The following ATP6V0E1 variants were observed in gnomAD, a reference collection of about 807,000 sequenced individuals.
The protein encoded by ATP6V0E1 is ATPase H+ transporting V0 subunit e1, also known as V-type proton ATPase subunit e 1.
ATP6V0E1 carries 4 observed loss-of-function variants against 11.6 expected under a neutral mutation model. The observed-to-expected ratio is 0.35, with a 90% confidence interval of 0.17 to 0.79. The LOEUF is 0.79. Ranked by LOEUF, ATP6V0E1 falls within the 30% of genes least tolerant of loss-of-function variation. The probability of loss-of-function intolerance (pLI) is 0.54; values close to 1 mark genes in which losing one functional copy is unlikely to be tolerated. For missense variants in ATP6V0E1, 105 were observed against 100.0 expected (o/e 1.05, Z -0.21); for synonymous variants, 36 against 34.8 (o/e 1.04, Z -0.13).
chr5:172,998,129 T>A (rs1248670229), intron 2 of ATP6V0E1, among the ~76,000 whole-genome samples: 1 of 149,486 alleles, frequency 6.7e-6, no homozygotes, highest in Non-Finnish European at 1.5e-5. Context: ...AAAGTTGTGA[T>A]AAATGATGTT....
chr5:173,001,075 C>A (rs985173956), intron 2 of ATP6V0E1, among the ~76,000 whole-genome samples: 1 of 152,144 alleles, frequency 6.6e-6, no homozygotes, highest in South Asian at 2.1e-4. Context: ...CCTTACAGGG[C>A]TGGTATAGTG....
At chr5:173,007,346 T>C (rs1413039015) in intron 2 of ATP6V0E1, among the ~76,000 whole-genome samples, 1 of 152,180 alleles carries the variant, frequency 6.6e-6, no homozygotes, top group Non-Finnish European at 1.5e-5. Context: ...TTCAGTTCTA[T>C]GTGCTTATAG....
intron 3 of ATP6V0E1, among the ~76,000 whole-genome samples, chr5:173,024,794 C>T (rs371518329): frequency 1.7e-4 from 25 of 150,902 alleles, no homozygotes; most frequent in African/African-American, 6.1e-4. Context: ...AGTATTTTCT[C>T]TTCAAATATA....
intron 3 of ATP6V0E1, among the ~76,000 whole-genome samples, chr5:173,021,422 C>G (rs1324093687): frequency 2.0e-5 from 3 of 152,032 alleles, no homozygotes. Flanking sequence ...AGAATCAGAA[C>G]CAAGCAAAAG....
At chr5:173,015,924 C>T (rs753334158) in intron 2 of ATP6V0E1, among the ~76,000 whole-genome samples, 2 of 152,092 alleles carry the variant, frequency 1.3e-5, no homozygotes, top group Non-Finnish European at 2.9e-5. Flanking sequence ...ACGGGTTTCA[C>T]CATGTTGGCC....
intron 3 of ATP6V0E1, among the ~76,000 whole-genome samples, chr5:173,029,900 C>T (rs2113616406): frequency 6.6e-6 from 1 of 152,298 alleles, no homozygotes; most frequent in Admixed American, 6.5e-5. Flanking sequence ...CTACTTTCCC[C>T]TCCAGGCCCT....
chr5:173,033,103 A>G (rs1756690304), intron 3 of ATP6V0E1, among the ~76,000 whole-genome samples: 1 of 152,144 alleles, frequency 6.6e-6, no homozygotes, highest in African/African-American at 2.4e-5. Flanking sequence ...TGAAAAAAAT[A>G]TTATTTATTG....
chr5:173,012,100 C>G (rs1246196167), intron 2 of ATP6V0E1, among the ~76,000 whole-genome samples: 1 of 150,042 alleles, frequency 6.7e-6, no homozygotes, highest in African/African-American at 2.5e-5. Context: ...GGCCCGATCT[C>G]AGCTCACTGC....
In ATP6V0E1 at chr5:172,994,757, ATT is replaced by A. The variant is rs11296906; in HGVS notation, c.105-4_105-3del. The A allele has an allele frequency of 0.033, 44,390 of 1,363,732 alleles. 107 individuals are homozygous for A. The highest frequency in any genetic ancestry group is 0.15 in the East Asian group (5,250 of 35,274). 84.5% of individuals were successfully genotyped at this position (1,363,732 alleles called of 1,614,324 possible). ...TTGCTAGTTATTTAATGACATTTGC[ATT>A]TTTTTTTTTTTTTAGAGTTATCATT... On this transcript the variant is annotated splice_polypyrimidine_tract_variant and intron_variant, in intron 1 of 3. Transcript: ENST00000519374.
At position 173,002,192 on chromosome 5, in the gene ATP6V0E1, A is replaced by G. The variant is rs1031127346; in HGVS notation, c.152+7370A>G. On this transcript the variant is annotated intron_variant, in intron 2 of 3. Transcript: ENST00000519374. ...TGTAAACATTTCAATATGTGTCTCT[A>G]AATTTTAAAAGTACAACCACAATAC... 5.3e-5 allele frequency among the ~76,000 whole-genome samples: 8 copies of G among 152,224 alleles called. No homozygotes were observed. The South Asian group carries it at 1.7e-3, about 31-fold the overall frequency.
intron 2 of ATP6V0E1, among the ~76,000 whole-genome samples, chr5:173,006,498 G>T (rs967347148): frequency 2.0e-5 from 3 of 151,930 alleles, no homozygotes. Flanking sequence ...TAGTCCCAGC[G>T]ACTCGGGAGG....
chr5:172,987,988 C>T (rs1581623109), intron 1 of ATP6V0E1, among the ~76,000 whole-genome samples: 1 of 152,334 alleles, frequency 6.6e-6, no homozygotes, highest in African/African-American at 2.4e-5. Flanking sequence ...GCTAGAATTA[C>T]AGGCATAAGC....
intron 3 of ATP6V0E1, among the ~76,000 whole-genome samples, chr5:173,031,593 C>T (rs548663870): frequency 1.3e-4 from 19 of 151,422 alleles, no homozygotes; most frequent in South Asian, 6.3e-4. Flanking sequence ...CCAAGGCGCG[C>T]GGATCACGAG....
chr5:172,994,861 G>A (rs200726685), intron 2 of ATP6V0E1, 39 bp downstream of exon 2: 1 of 1,496,354 alleles, frequency 6.7e-7, no homozygotes, highest in Non-Finnish European at 9.2e-7. Context: ...CTTGGTATTT[G>A]TAGTGTGTGC....
At chr5:173,030,683 C>T (rs939396036) in intron 3 of ATP6V0E1, among the ~76,000 whole-genome samples, 3 of 151,678 alleles carry the variant, frequency 2.0e-5, no homozygotes, top group South Asian at 2.1e-4. Context: ...TCAGGTGATC[C>T]GCCCCGCCTC....
intron 3 of ATP6V0E1, among the ~76,000 whole-genome samples, chr5:173,032,207 T>C (rs1468146043): frequency 6.6e-6 from 1 of 151,272 alleles, no homozygotes; most frequent in Non-Finnish European, 1.5e-5. Context: ...TCAAACCGCA[T>C]GCCTTTGCCA....
chr5:172,995,090 T>C (rs1756044605), intron 2 of ATP6V0E1, among the ~76,000 whole-genome samples: 1 of 152,216 alleles, frequency 6.6e-6, no homozygotes, highest in Non-Finnish European at 1.5e-5. Context: ...TATTTTACTA[T>C]GGTGAAGTAT....
intron 1 of ATP6V0E1, among the ~76,000 whole-genome samples, chr5:172,992,261 C>T (rs1378262103): frequency 6.6e-6 from 1 of 152,174 alleles, no homozygotes; most frequent in Non-Finnish European, 1.5e-5. Flanking sequence ...CCGTGTTAGC[C>T]AGGATGGTCT....
At chr5:173,007,020 A>G (rs1334151200) in intron 2 of ATP6V0E1, among the ~76,000 whole-genome samples, 1 of 152,200 alleles carries the variant, frequency 6.6e-6, no homozygotes, top group Non-Finnish European at 1.5e-5. Flanking sequence ...GGTGTAGAAA[A>G]TAAGTATGGA....
Sources: allele counts gnomAD v4.1 joint callset (sites outside exome capture counted in the v4.1 genomes callset), GRCh38; gene constraint gnomAD v4.1.1; transcripts MANE v1.5; gene names NCBI Gene and HGNC (gene_info 2026-07-23, HGNC 2026-07-21).